The following DDX4 variants were observed in gnomAD, a reference collection of about 807,000 sequenced individuals.
DDX4 encodes probable ATP-dependent RNA helicase DDX4.
DDX4 carries 25 observed loss-of-function variants against 100.0 expected under a neutral mutation model. The ratio of observed to expected loss-of-function variants is 0.25; its 90% CI spans 0.18 to 0.35. The LOEUF (loss-of-function observed/expected upper bound fraction) is 0.35, where lower values mean the gene tolerates loss of function less well. Among genes scored for constraint, DDX4 ranks in the 10% least tolerant of loss-of-function variants. DDX4 has a pLI of 1.00. For missense variants in DDX4, 635 were observed against 882.4 expected (o/e 0.72, Z 3.55); for synonymous variants, 259 against 275.7 (o/e 0.94, Z 0.60).
chr5:55,807,559 T>C (rs1215556901), intron 18 of DDX4, among the ~76,000 whole-genome samples: 5 of 152,326 alleles, frequency 3.3e-5, no homozygotes, highest in African/African-American at 4.8e-5. Context: ...CTGTAAAGTA[T>C]TTTATTTCTC....
At chr5:55,808,929 G>A (rs1037650568) in intron 18 of DDX4, among the ~76,000 whole-genome samples, 55 of 152,356 alleles carry the variant, frequency 3.6e-4, no homozygotes, top group Non-Finnish European at 8.8e-5. Context: ...GTCTACAGAG[G>A]CAGGCAGGCC....
intron 1 of DDX4, among the ~76,000 whole-genome samples, chr5:55,738,641 A>G (rs1015565505): frequency 6.6e-6 from 1 of 152,118 alleles, no homozygotes; most frequent in African/African-American, 2.4e-5. Flanking sequence ...TCGTTTGGGG[A>G]CCCTTTGAGG....
intron 7 of DDX4, 119 bp from the exon 8 acceptor site, chr5:55,779,845 C>A: frequency 7.2e-7 from 1 of 1,383,782 alleles, no homozygotes. Flanking sequence ...GACAACAATG[C>A]CTTTAAACAC....
chr5:55,801,662 G>A (rs1743317624), intron 18 of DDX4, among the ~76,000 whole-genome samples: 1 of 152,106 alleles, frequency 6.6e-6, no homozygotes, highest in Non-Finnish European at 1.5e-5. Context: ...TGTTTGGCTT[G>A]CTTATTGGCA....
chr5:55,780,376 G>T (rs1741835383), intron 8 of DDX4, among the ~76,000 whole-genome samples: 1 of 152,042 alleles, frequency 6.6e-6, no homozygotes, highest in African/African-American at 2.4e-5. Flanking sequence ...CCTTCTATGT[G>T]GCTTTACCTC....
chr5:55,812,704 C>T (rs1744188201), intron 18 of DDX4, among the ~76,000 whole-genome samples: 1 of 152,034 alleles, frequency 6.6e-6, no homozygotes. Flanking sequence ...ACTAAGATAC[C>T]ATCTAATTGG....
At chr5:55,762,212 A>AT (rs1428221146) in intron 4 of DDX4, among the ~76,000 whole-genome samples, 100 of 151,824 alleles carry the variant, frequency 6.6e-4, no homozygotes, top group Non-Finnish European at 1.0e-3. Context: ...GAATGCTTTA[A>AT]TTTTTTTCTC....
At chr5:55,768,094 G>A (rs1055631186) in intron 7 of DDX4, 154 bp downstream of exon 7, 1 of 682,192 alleles carries the variant, frequency 1.5e-6, no homozygotes, top group African/African-American at 1.8e-5. Flanking sequence ...ATTTGAGTGA[G>A]TATTCAGTGG....
Position 55,790,850 on chromosome 5 carries a change from T to C in DDX4, c.1302+145T>C, listed in dbSNP as rs1742521353. The C allele has an allele frequency of 6.9e-6, 5 of 722,642 alleles. No homozygotes were observed. In the Admixed American group the frequency reaches 7.7e-5, roughly 11 times the overall value. 44.8% of individuals were successfully genotyped at this position (722,642 alleles called of 1,614,324 possible). A position where few individuals can be genotyped will look rare whatever the true frequency, so the allele number is the denominator to read the frequency against. ...ATCACATTCTTTGAATGCATTCTTA[T>C]ATAATTCTCAAGATAATCGCAGGGA... On this transcript the variant is annotated intron_variant, in intron 16 of 21. Transcript: ENST00000505374.
At chr5:55,739,181 C>T (rs567565730) in intron 2 of DDX4, 149 bp downstream of exon 2, 1 of 602,812 alleles carries the variant, frequency 1.7e-6, no homozygotes, top group Admixed American at 3.2e-5. Context: ...TAAGAGACAA[C>T]CTAAGCCTCG....
chr5:55,768,128 T>A (rs1290960565), intron 7 of DDX4, 188 bp downstream of exon 7: 3 of 580,530 alleles, frequency 5.2e-6, no homozygotes, highest in Non-Finnish European at 9.3e-6. Flanking sequence ...CACTCTTTTA[T>A]TTTATTTTTT....
At chr5:55,759,095 T>G (rs1760131069) in intron 3 of DDX4, among the ~76,000 whole-genome samples, 1 of 151,996 alleles carries the variant, frequency 6.6e-6, no homozygotes, top group Non-Finnish European at 1.5e-5. Flanking sequence ...CTTGCTATGT[T>G]GCCCAGGCTG....
At chr5:55,802,061 C>T (rs1743349908) in intron 18 of DDX4, among the ~76,000 whole-genome samples, 1 of 152,110 alleles carries the variant, frequency 6.6e-6, no homozygotes, top group African/African-American at 2.4e-5. Flanking sequence ...GAAAGCCAAC[C>T]TTTGTTCCTT....
chr5:55,752,515 A>G (rs926121695), intron 3 of DDX4, among the ~76,000 whole-genome samples: 43 of 146,402 alleles, frequency 2.9e-4, no homozygotes, highest in Non-Finnish European at 6.1e-4. Flanking sequence ...AGATGAACTC[A>G]TCATTTTTTA....
At chr5:55,738,812 C>T in intron 1 of DDX4, 138 bp from the exon 2 acceptor site, 1 of 652,896 alleles carries the variant, frequency 1.5e-6, no homozygotes, top group South Asian at 1.8e-5. Context: ...CTAATTCCTT[C>T]TTTGGAAAAA....
At chr5:55,771,918 G>T (rs1193682110) in intron 7 of DDX4, among the ~76,000 whole-genome samples, 1 of 150,218 alleles carries the variant, frequency 6.7e-6, no homozygotes, top group East Asian at 2.0e-4. Context: ...AAACTTAAAA[G>T]TTGCAAGAAT....
At chr5:55,807,949 G>T (rs1479707148) in intron 18 of DDX4, among the ~76,000 whole-genome samples, 1 of 152,122 alleles carries the variant, frequency 6.6e-6, no homozygotes, top group Non-Finnish European at 1.5e-5. Context: ...TCACTTTCAG[G>T]TACACCAATC....
rs1436828182 is a variant in DDX4, at chr5:55,813,566, TAC to T, written c.1616-105_1616-104del. On this transcript the variant is annotated intron_variant, in intron 18 of 21. Coordinates refer to ENST00000505374, the MANE Select transcript of DDX4 (RefSeq NM_024415.3). Reference sequence around the variant, plus strand: ...GCTTGGCTGTGGTGCTGGTAGTAAATACAGTGGTGGACAAAGTTTCATATTCA... The same window carrying T: ...GCTTGGCTGTGGTGCTGGTAGTAAATAGTGGTGGACAAAGTTTCATATTCA... The T allele has an allele frequency of 2.9e-6, 4 of 1,396,698 alleles. No individual in the cohort carries two copies. The African/African-American group carries it at 4.4e-5, about 15-fold the overall frequency. The allele number at this position is 1,396,698 out of a possible 1,614,324, so 86.5% of individuals were successfully genotyped here.
At chr5:55,760,329 T>C in intron 4 of DDX4, 52 bp downstream of exon 4, 1 of 1,489,136 alleles carries the variant, frequency 6.7e-7, no homozygotes. Context: ...TAATTGGATA[T>C]ATAGAGGCTT....
Sources: allele counts gnomAD v4.1 joint callset (sites outside exome capture counted in the v4.1 genomes callset), GRCh38; gene constraint gnomAD v4.1.1; transcripts MANE v1.5; gene names NCBI Gene and HGNC (gene_info 2026-07-23, HGNC 2026-07-21).